The following SGCZ variants were observed in gnomAD, a reference collection of about 807,000 sequenced individuals.
SGCZ encodes the protein zeta-sarcoglycan.
In SGCZ, 40 loss-of-function variants were observed where a neutral mutation model predicts 41.3. That is an observed-to-expected ratio of 0.97 (90% CI 0.75 to 1.26). The LOEUF (loss-of-function observed/expected upper bound fraction) is 1.26. Among genes scored for constraint, SGCZ ranks in the 50% most tolerant of loss-of-function variants. The pLI, the probability that SGCZ is intolerant of heterozygous loss-of-function variation, is 0.00. For missense variants in SGCZ, 552 were observed against 369.8 expected (o/e 1.49, Z -4.04); for synonymous variants, 206 against 137.5 (o/e 1.50, Z -3.49).
chr8:14,195,740 G>C lies in SGCZ; in HGVS notation c.425-31038C>G, dbSNP rs183933764. Among the ~76,000 whole-genome samples, 469 of 152,206 alleles carry C rather than the reference G, an allele frequency of 3.1e-3. 2 individuals carry two copies. The highest frequency in any genetic ancestry group is 9.9e-3 in the African/African-American group (410 of 41,538). On this transcript the variant is annotated intron_variant, in intron 4 of 7. Coordinates refer to ENST00000382080, the MANE Select transcript of SGCZ (RefSeq NM_139167.4). ...GGAAAAAATGCAAGTGATGACATAG[G>C]AGAGCAATATCTTTAAAATGCCAAA...
chr8:14,488,991 C>T (rs1486583106), intron 2 of SGCZ, among the ~76,000 whole-genome samples: 3 of 146,672 alleles, frequency 2.0e-5, no homozygotes, highest in Middle Eastern at 3.6e-3. Context: ...TATAGATATA[C>T]ATAATATATA....
In SGCZ at chr8:14,568,110, C is replaced by A. The variant is rs1363892683; in HGVS notation, c.40-13184G>T. Among the ~76,000 whole-genome samples the A allele has an allele frequency of 2.0e-5, 3 of 152,126 alleles. No individual in the cohort carries two copies. In the East Asian group the frequency reaches 5.8e-4, roughly 29 times the overall value. On this transcript the variant is annotated intron_variant, in intron 1 of 7. Transcript: ENST00000382080. Reference sequence around the variant, plus strand: ...GCACATGGATGAAGCTGGAAACCATCATCCTCAGCAAACTATCACAGGAAC... The same window carrying A: ...GCACATGGATGAAGCTGGAAACCATAATCCTCAGCAAACTATCACAGGAAC...
chr8:14,982,282 C>T (rs575331089), intron 1 of SGCZ, among the ~76,000 whole-genome samples: 15 of 152,130 alleles, frequency 9.9e-5, no homozygotes, highest in East Asian at 7.7e-4. Flanking sequence ...ACTACCATTA[C>T]GTGACATATT....
At chr8:14,949,472 C>T (rs1488701683) in intron 1 of SGCZ, among the ~76,000 whole-genome samples, 1 of 152,094 alleles carries the variant, frequency 6.6e-6, no homozygotes, top group African/African-American at 2.4e-5. Flanking sequence ...TTTCACTTCA[C>T]ATGACTGATT....
intron 2 of SGCZ, among the ~76,000 whole-genome samples, chr8:14,412,281 G>A (rs887256003): frequency 1.3e-5 from 2 of 151,944 alleles, no homozygotes; most frequent in African/African-American, 4.8e-5. Flanking sequence ...TAGACCCTAA[G>A]GTATTTTTAT....
chr8:14,815,157 T>G (rs1489176737), intron 1 of SGCZ, among the ~76,000 whole-genome samples: 5 of 152,186 alleles, frequency 3.3e-5, no homozygotes, highest in Admixed American at 6.5e-5. Flanking sequence ...AAGTGTATGT[T>G]GAGAAGAAAG....
At chr8:14,102,099 TATATAA>T (rs201290117) in intron 7 of SGCZ, among the ~76,000 whole-genome samples, 25,027 of 115,274 alleles carry the variant, frequency 0.22, 2,386 homozygotes, top group African/African-American at 0.28. Flanking sequence ...TATATATATA[TATATAA>T]TTTTTTTTTT....
At chr8:14,292,129 T>C (rs1375267105) in intron 3 of SGCZ, among the ~76,000 whole-genome samples, 3 of 152,090 alleles carry the variant, frequency 2.0e-5, no homozygotes, top group Non-Finnish European at 4.4e-5. Context: ...GCATCATTAA[T>C]TAATCAATGT....
chr8:14,990,641 C>T (rs1290334185), intron 1 of SGCZ, among the ~76,000 whole-genome samples: 1 of 152,066 alleles, frequency 6.6e-6, no homozygotes, highest in Non-Finnish European at 1.5e-5. Context: ...ATGGCTCTCA[C>T]TGATTCTACA....
At chr8:14,209,117 G>A (rs965307678) in intron 4 of SGCZ, among the ~76,000 whole-genome samples, 1 of 152,184 alleles carries the variant, frequency 6.6e-6, no homozygotes, top group Non-Finnish European at 1.5e-5. Context: ...AGAAAACACG[G>A]CGCCAGCCAC....
chr8:15,234,357 A>G (rs764005710), intron 1 of SGCZ, among the ~76,000 whole-genome samples: 21 of 152,152 alleles, frequency 1.4e-4, no homozygotes, highest in Non-Finnish European at 1.0e-4. Flanking sequence ...CATATTTTGG[A>G]TTTTTTGATG....
At chr8:15,170,026 G>T (rs569058612) in intron 1 of SGCZ, among the ~76,000 whole-genome samples, 39 of 152,174 alleles carry the variant, frequency 2.6e-4, no homozygotes, top group Admixed American at 7.9e-4. Flanking sequence ...ACATCTAAAT[G>T]ACACACTTCA....
At chr8:15,123,540 G>C (rs748831041) in intron 1 of SGCZ, among the ~76,000 whole-genome samples, 3 of 152,166 alleles carry the variant, frequency 2.0e-5, no homozygotes, top group Non-Finnish European at 2.9e-5. Context: ...AATGGAGATA[G>C]GTTCAGGGAA....
intron 1 of SGCZ, among the ~76,000 whole-genome samples, chr8:14,668,808 T>G (rs1807997561): frequency 6.6e-6 from 1 of 152,256 alleles, no homozygotes; most frequent in Admixed American, 6.5e-5. Flanking sequence ...TTAAAAAATT[T>G]GACAAACATA....
At chr8:14,568,129 C>T (rs1299072597) in intron 1 of SGCZ, among the ~76,000 whole-genome samples, 2 of 151,984 alleles carry the variant, frequency 1.3e-5, no homozygotes, top group African/African-American at 4.8e-5. Context: ...CAAACTATCA[C>T]AGGAACAGAA....
At chr8:14,194,370 T>C (rs1805201275) in intron 4 of SGCZ, among the ~76,000 whole-genome samples, 1 of 151,898 alleles carries the variant, frequency 6.6e-6, no homozygotes, top group Non-Finnish European at 1.5e-5. Flanking sequence ...AGATATAAAC[T>C]TCAGTTAATA....
rs115453969 is a variant in SGCZ, at chr8:14,539,152, C to T, written c.234+15580G>A. Among the ~76,000 whole-genome samples, 373 of 152,092 alleles carry T rather than the reference C, an allele frequency of 2.5e-3. 4 individuals carry two copies. The highest frequency in any genetic ancestry group is 8.0e-3 in the African/African-American group (332 of 41,522). On this transcript the variant is annotated intron_variant, in intron 2 of 7. Coordinates refer to ENST00000382080, the MANE Select transcript of SGCZ (RefSeq NM_139167.4). ...GACTTCCCCAGAGGAAGATAGAATT[C>T]GGCCAGCAGATTATCTTCGGACTGG...
chr8:14,332,076 A>G (rs548430478), intron 2 of SGCZ, among the ~76,000 whole-genome samples: 8 of 152,238 alleles, frequency 5.3e-5, no homozygotes, highest in African/African-American at 1.7e-4. Flanking sequence ...AACTATCCAC[A>G]TATCACTAGC....
intron 1 of SGCZ, among the ~76,000 whole-genome samples, chr8:15,015,726 C>CGTGTGTGTGTGT (rs60624490): frequency 1.6e-5 from 2 of 125,146 alleles, no homozygotes; most frequent in African/African-American, 5.8e-5. Flanking sequence ...GAAATATACA[C>CGTGTGTGTGTGT]GTGTGTGTGT....
Sources: allele counts gnomAD v4.1 joint callset (sites outside exome capture counted in the v4.1 genomes callset), GRCh38; gene constraint gnomAD v4.1.1; transcripts MANE v1.5; gene names NCBI Gene and HGNC (gene_info 2026-07-23, HGNC 2026-07-21).